The following EPHB1 variants were observed in gnomAD, a reference collection of about 807,000 sequenced individuals.
The protein encoded by EPHB1 is ephrin type-B receptor 1.
Under a neutral mutation model 94.4 loss-of-function variants are expected in EPHB1, and 30 were observed. That is an observed-to-expected ratio of 0.32 (90% CI 0.24 to 0.43). The LOEUF (loss-of-function observed/expected upper bound fraction) is 0.43. Among genes scored for constraint, EPHB1 ranks in the 20% least tolerant of loss-of-function variants. The pLI, the probability that EPHB1 is intolerant of heterozygous loss-of-function variation, is 1.00. For synonymous variants in EPHB1, 522 were observed against 489.1 expected, an observed-to-expected ratio of 1.07 and a Z score of -0.89; for missense variants, 1,055 against 1,308.3, an observed-to-expected ratio of 0.81 and a Z score of 2.99.
At chr3:134,849,566 G>A (rs1360131450) in intron 1 of EPHB1, among the ~76,000 whole-genome samples, 4 of 152,296 alleles carry the variant, frequency 2.6e-5, no homozygotes, top group East Asian at 1.9e-4. Context: ...GGACTGGCAC[G>A]TGGAGCCTGT....
intron 14 of EPHB1, 44 bp from the exon 15 acceptor site, chr3:135,249,292 C>A: frequency 6.3e-7 from 1 of 1,577,264 alleles, no homozygotes; most frequent in Non-Finnish European, 8.6e-7. Flanking sequence ...ACTGTCCATG[C>A]ATCTCTGCAA....
chr3:135,243,494 G>A (rs72983517), intron 13 of EPHB1, among the ~76,000 whole-genome samples: 5,614 of 152,166 alleles, frequency 0.037, 375 homozygotes, highest in African/African-American at 0.13. Flanking sequence ...CTAATTTTGC[G>A]TGCTCCTTCA....
chr3:134,934,452 A>G (rs796434152), intron 2 of EPHB1, among the ~76,000 whole-genome samples: 41 of 152,168 alleles, frequency 2.7e-4, no homozygotes, highest in African/African-American at 8.2e-4. Flanking sequence ...ACCTACCTCA[A>G]TGGATCCCCA....
intron 12 of EPHB1, among the ~76,000 whole-genome samples, chr3:135,225,146 G>A (rs1226216541): frequency 1.3e-5 from 2 of 152,130 alleles, no homozygotes; most frequent in African/African-American, 2.4e-5. Flanking sequence ...GCAGAGCTAG[G>A]ATGCCCTGCC....
intron 3 of EPHB1, among the ~76,000 whole-genome samples, chr3:135,038,404 T>G (rs143747042): frequency 5.9e-4 from 90 of 152,316 alleles, no homozygotes; most frequent in African/African-American, 2.0e-3. Context: ...AGTAAACATG[T>G]AAGTCCTGCT....
chr3:134,894,797 G>T (rs2038055745), intron 1 of EPHB1, among the ~76,000 whole-genome samples: 1 of 152,224 alleles, frequency 6.6e-6, no homozygotes, highest in African/African-American at 2.4e-5. Context: ...CCTCTGATCT[G>T]CAGAAACACA....
rs977198825 is a variant in EPHB1 at position 135,259,983 on chromosome 3, G to A, written c.*863G>A. On this transcript the variant is annotated 3_prime_UTR_variant, in exon 16 of 16. Transcript: ENST00000398015. ...GAATATGGTGTTGGTTTGGCTTTCT[G>A]GTTGGCCCAATCGGCCTATTGGCTC... 4 of 232,188 alleles carry A rather than the reference G, an allele frequency of 1.7e-5. No individual in the cohort carries two copies. Among genetic ancestry groups the A allele is most frequent in the Non-Finnish European group, 3.4e-5 (4 of 117,194 alleles). 14.4% of individuals were successfully genotyped at this position (232,188 alleles called of 1,614,324 possible). A position where few individuals can be genotyped will look rare whatever the true frequency, so the allele number is the denominator to read the frequency against.
At chr3:135,081,979 G>A (rs1387806092) in intron 3 of EPHB1, among the ~76,000 whole-genome samples, 1 of 151,926 alleles carries the variant, frequency 6.6e-6, no homozygotes, top group African/African-American at 2.4e-5. Context: ...TGGAACGGCA[G>A]CAGGAGTGGG....
intron 11 of EPHB1, among the ~76,000 whole-genome samples, chr3:135,194,115 G>A (rs1942533501): frequency 6.6e-6 from 1 of 152,196 alleles, no homozygotes; most frequent in Admixed American, 6.5e-5. Context: ...GCCTAGGAAG[G>A]CACATAGTGT....
intron 3 of EPHB1, among the ~76,000 whole-genome samples, chr3:135,058,232 C>T (rs1937399342): frequency 6.6e-6 from 1 of 152,226 alleles, no homozygotes. Context: ...TTCCTCTGCT[C>T]TAGTCACAGT....
intron 3 of EPHB1, among the ~76,000 whole-genome samples, chr3:134,954,179 G>A (rs969995814): frequency 6.6e-6 from 1 of 152,186 alleles, no homozygotes; most frequent in Admixed American, 6.5e-5. Context: ...GAAGAGAAGG[G>A]CCCCTTGCCC....
chr3:134,966,731 C>T (rs1277746302), intron 3 of EPHB1, among the ~76,000 whole-genome samples: 1 of 152,202 alleles, frequency 6.6e-6, no homozygotes, highest in Non-Finnish European at 1.5e-5. Flanking sequence ...GGATTTTGCC[C>T]CCATCACTCT....
chr3:135,133,537 A>G (rs1940502303), intron 5 of EPHB1, among the ~76,000 whole-genome samples: 1 of 152,226 alleles, frequency 6.6e-6, no homozygotes, highest in Non-Finnish European at 1.5e-5. Context: ...ATGGAAACCC[A>G]ATGACAGAAA....
intron 4 of EPHB1, among the ~76,000 whole-genome samples, chr3:135,110,382 CT>C (rs1029457344): frequency 5.3e-5 from 8 of 152,204 alleles, no homozygotes; most frequent in Non-Finnish European, 1.0e-4. Flanking sequence ...GACACAGTGC[CT>C]GCCAGTCTTT....
chr3:134,871,810 C>T (rs572545328), intron 1 of EPHB1, among the ~76,000 whole-genome samples: 24 of 152,192 alleles, frequency 1.6e-4, no homozygotes, highest in Non-Finnish European at 3.1e-4. Context: ...GGGCGCTGCT[C>T]TTCCCTCAGT....
At chr3:134,808,077 A>G (rs2036103829) in intron 1 of EPHB1, among the ~76,000 whole-genome samples, 1 of 152,198 alleles carries the variant, frequency 6.6e-6, no homozygotes, top group Non-Finnish European at 1.5e-5. Context: ...AAATGGCAAA[A>G]AAAGTAGAGA....
At chr3:135,149,275 A>C (rs942248539) in intron 5 of EPHB1, among the ~76,000 whole-genome samples, 2 of 152,152 alleles carry the variant, frequency 1.3e-5, no homozygotes, top group African/African-American at 2.4e-5. Context: ...AGAATGTGTA[A>C]TTTATTCAAA....
At chr3:135,014,162 C>T (rs112920328) in intron 3 of EPHB1, among the ~76,000 whole-genome samples, 89 of 152,262 alleles carry the variant, frequency 5.8e-4, no homozygotes, top group African/African-American at 2.0e-3. Context: ...AACCAGCTAC[C>T]TGGATGCTCC....
At chr3:135,221,627 T>C (rs543363362) in intron 12 of EPHB1, among the ~76,000 whole-genome samples, 2 of 152,316 alleles carry the variant, frequency 1.3e-5, no homozygotes, top group East Asian at 1.9e-4. Context: ...TGAATTTTGA[T>C]CCAGAAAACA....
Sources: allele counts gnomAD v4.1 joint callset (sites outside exome capture counted in the v4.1 genomes callset), GRCh38; gene constraint gnomAD v4.1.1; transcripts MANE v1.5; gene names NCBI Gene and HGNC (gene_info 2026-07-23, HGNC 2026-07-21).